The following IGF2BP1 variants were observed in gnomAD, a reference collection of about 807,000 sequenced individuals.
IGF2BP1 encodes insulin-like growth factor 2 mRNA-binding protein 1.
IGF2BP1 carries 11 observed loss-of-function variants against 74.9 expected under a neutral mutation model. The observed-to-expected ratio is 0.15, with a 90% CI of 0.09 to 0.24. The LOEUF is 0.24. IGF2BP1 is among the 10% of genes least tolerant of loss of function. The pLI is 1.00. For synonymous variants in IGF2BP1, 287 were observed against 281.8 expected, an observed-to-expected ratio of 1.02 and a Z score of -0.18; for missense variants, 440 against 757.4, an observed-to-expected ratio of 0.58 and a Z score of 4.92.
chr17:49,042,433 C>T, intron 9 of IGF2BP1, 56 bp downstream of exon 9: 1 of 1,602,696 alleles, frequency 6.2e-7, no homozygotes, highest in Non-Finnish European at 8.5e-7. Context: ...GCAACAGCAG[C>T]TTGTGGGGTG....
intron 2 of IGF2BP1, among the ~76,000 whole-genome samples, chr17:49,015,224 C>T (rs900071550): frequency 2.0e-5 from 3 of 152,214 alleles, no homozygotes; most frequent in Non-Finnish European, 4.4e-5. Flanking sequence ...CCTCCCGCTT[C>T]TGCTTCCCAA....
intron 2 of IGF2BP1, among the ~76,000 whole-genome samples, chr17:49,012,737 TTTTC>T (rs1022445109): frequency 3.9e-5 from 6 of 152,086 alleles, no homozygotes; most frequent in South Asian, 2.1e-4. Context: ...ACATGTTAGT[TTTTC>T]TTTCTTTCTT....
chr17:49,052,855 A>G lies in IGF2BP1; in HGVS notation c.*3411A>G, dbSNP rs918592801. ...ATGTGTGTGTGTGTGCTACATATATATTTTTAAGAAAGGACCATCTCTTTA... is the reference window on the plus strand; with the variant it reads ...ATGTGTGTGTGTGTGCTACATATATGTTTTTAAGAAAGGACCATCTCTTTA... On this transcript the variant is annotated 3_prime_UTR_variant, in exon 15 of 15. Coordinates refer to ENST00000290341, the MANE Select transcript of IGF2BP1 (RefSeq NM_006546.4). 6.6e-6 allele frequency: 1 copy of G among 152,542 alleles called. No individual in the cohort carries two copies. Among genetic ancestry groups the G allele is most frequent in the Non-Finnish European group, 1.5e-5 (1 of 68,038 alleles). The allele number at this position is 152,542 out of a possible 1,614,324, so 9.4% of individuals were successfully genotyped here. A position where few individuals can be genotyped will look rare whatever the true frequency, so the allele number is the denominator to read the frequency against.
chr17:49,023,558 T>C (rs556970581), intron 2 of IGF2BP1, among the ~76,000 whole-genome samples: 1 of 152,258 alleles, frequency 6.6e-6, no homozygotes, highest in Admixed American at 6.5e-5. Flanking sequence ...TTCCCTGTTT[T>C]CAAACCCCTT....
At position 49,014,558 on chromosome 17, in the gene IGF2BP1, G is replaced by C. The variant is rs574045133; in HGVS notation, c.237-11060G>C. 9.2e-5 allele frequency among the ~76,000 whole-genome samples: 14 copies of C among 152,198 alleles called. No homozygotes were observed. In the South Asian group the frequency reaches 1.5e-3, roughly 16 times the overall value. On this transcript the variant is annotated intron_variant, in intron 2 of 14. Coordinates refer to ENST00000290341, the MANE Select transcript of IGF2BP1 (RefSeq NM_006546.4). The stretch of plus-strand genomic sequence containing the variant: ...ACCTCCACAGAGAGGGCACTTGAGG[G>C]GGGGAGGAGGGCCACGTTGGGGCCC...
chr17:49,034,120 T>A (rs990955773), intron 5 of IGF2BP1, among the ~76,000 whole-genome samples: 64 of 146,308 alleles, frequency 4.4e-4, no homozygotes, highest in African/African-American at 1.6e-3. Context: ...TGCCCCTTTT[T>A]TTTTTTTTTT....
At chr17:49,034,025 A>G (rs1353060919) in intron 5 of IGF2BP1, among the ~76,000 whole-genome samples, 1 of 148,486 alleles carries the variant, frequency 6.7e-6, no homozygotes, top group South Asian at 2.1e-4. Context: ...GAGTCTCGCT[A>G]TGTTGCCCAG....
At chr17:49,035,658 G>C (rs1763110261) in intron 5 of IGF2BP1, among the ~76,000 whole-genome samples, 2 of 152,190 alleles carry the variant, frequency 1.3e-5, no homozygotes, top group Admixed American at 1.3e-4. Flanking sequence ...GGGCACCTGG[G>C]AACGGGGATG....
intron 4 of IGF2BP1, 93 bp downstream of exon 4, chr17:49,026,610 TC>T: frequency 9.4e-7 from 1 of 1,059,022 alleles, no homozygotes; most frequent in Non-Finnish European, 1.4e-6. Context: ...TTTCTTTTTC[TC>T]CCTTCCTTCC....
intron 2 of IGF2BP1, among the ~76,000 whole-genome samples, chr17:49,020,322 G>A (rs992162785): frequency 6.6e-6 from 1 of 152,130 alleles, no homozygotes; most frequent in East Asian, 1.9e-4. Context: ...GATTACAGGC[G>A]TGAGCCACCA....
Position 49,045,025 on chromosome 17 carries a change from G to T in IGF2BP1, c.1355G>T (p.Arg452Leu). 6.2e-7 allele frequency: 1 copy of T among 1,614,106 alleles called. No homozygotes were observed. The highest frequency in any genetic ancestry group is 8.5e-7 in the Non-Finnish European group (1 of 1,179,984). Residue 452 changes from arginine to leucine, a missense_variant, in exon 12 of 15, where the codon CGT (arginine) becomes CTT (leucine). Around this residue, in one of 5 missense-constraint regions of IGF2BP1, gnomAD observed 117 missense variants for 237.2 expected, o/e 0.49. Transcript: ENST00000290341. The part of the protein sequence containing the change: ...APPETPDSKV[R>L]MVIITGPPEA... The stretch of plus-strand genomic sequence containing the variant: ...CCCGAAACACCTGACTCCAAAGTTC[G>T]TATGGTTATCATCACTGGACCGCCA...
rs2144186951 is a variant in IGF2BP1 at position 49,054,765 on chromosome 17, A to G, written c.*5321A>G. The G allele has an allele frequency of 6.6e-6, 1 of 152,264 alleles. No individual in the cohort carries two copies. The highest frequency in any genetic ancestry group is 2.1e-4 in the South Asian group (1 of 4,824). The allele number at this position is 152,264 out of a possible 1,614,324, so 9.4% of individuals were successfully genotyped here. ...GGAAACCAGAGCTGAGACCTCTTCAACAGGGTTTCTTTGAGATCCTACACC... is the reference window on the plus strand; with the variant it reads ...GGAAACCAGAGCTGAGACCTCTTCAGCAGGGTTTCTTTGAGATCCTACACC... On this transcript the variant is annotated 3_prime_UTR_variant, in exon 15 of 15. Coordinates refer to ENST00000290341, the MANE Select transcript of IGF2BP1 (RefSeq NM_006546.4).
chr17:49,007,462 C>T (rs1227235130), intron 2 of IGF2BP1, among the ~76,000 whole-genome samples: 2 of 152,242 alleles, frequency 1.3e-5, no homozygotes, highest in African/African-American at 2.4e-5. Flanking sequence ...CATACACACA[C>T]GTCCATAGCC....
At chr17:49,038,668 A>G (rs902212770) in intron 6 of IGF2BP1, among the ~76,000 whole-genome samples, 1 of 152,114 alleles carries the variant, frequency 6.6e-6, no homozygotes, top group Non-Finnish European at 1.5e-5. Flanking sequence ...ACACACTCGT[A>G]TTAGCAAGAG....
At chr17:49,011,143 A>C (rs1456533309) in intron 2 of IGF2BP1, among the ~76,000 whole-genome samples, 1 of 92,544 alleles carries the variant, frequency 1.1e-5, no homozygotes, top group South Asian at 4.0e-4. Flanking sequence ...GTCTCAAAAA[A>C]AAAAAAAAAA....
intron 5 of IGF2BP1, among the ~76,000 whole-genome samples, chr17:49,033,593 T>G (rs1358908643): frequency 6.6e-6 from 1 of 152,088 alleles, no homozygotes; most frequent in Non-Finnish European, 1.5e-5. Flanking sequence ...TCCACCCACC[T>G]CAGCCCCCCA....
At position 49,056,066 on chromosome 17, in the gene IGF2BP1, G is replaced by A. The variant is rs1479713747; in HGVS notation, c.*6622G>A. Among the ~76,000 whole-genome samples the A allele has an allele frequency of 6.6e-6, 1 of 151,830 alleles. No individual in the cohort carries two copies. The highest frequency in any genetic ancestry group is 1.5e-5 in the Non-Finnish European group (1 of 67,970). On this transcript the variant is annotated 3_prime_UTR_variant, in exon 15 of 15. Coordinates refer to ENST00000290341, the MANE Select transcript of IGF2BP1 (RefSeq NM_006546.4). ...AACGAACACTCCAGTTTTCTTTCCC[G>A]TGAAGGTTGTTTCAGCCACAAACCA...
intron 5 of IGF2BP1, among the ~76,000 whole-genome samples, chr17:49,035,680 G>A (rs2041978383): frequency 6.6e-6 from 1 of 152,308 alleles, no homozygotes; most frequent in South Asian, 2.1e-4. Flanking sequence ...CTTGCCCTCC[G>A]AGGTCTCCCC....
intron 2 of IGF2BP1, chr17:49,014,722 A>G (rs2041671288): frequency 2.1e-6 from 2 of 970,910 alleles, no homozygotes; most frequent in Admixed American, 6.1e-5. Flanking sequence ...GCCGCCACTT[A>G]TGGACACGCA....
Sources: allele counts gnomAD v4.1 joint callset (sites outside exome capture counted in the v4.1 genomes callset), GRCh38; gene constraint gnomAD v4.1.1; regional missense constraint gnomAD v4.1.1; transcripts MANE v1.5; gene names NCBI Gene and HGNC (gene_info 2026-07-23, HGNC 2026-07-21).